The following NUP85 variants were observed in gnomAD, a reference collection of about 807,000 sequenced individuals.
NUP85 encodes nucleoporin 85.
In NUP85, 23 loss-of-function variants were observed where a neutral mutation model predicts 92.8. That is an observed-to-expected ratio of 0.25 (90% confidence interval 0.18 to 0.35). NUP85 has a LOEUF of 0.35. Among genes scored for constraint, NUP85 ranks in the 10% least tolerant of loss-of-function variants. The probability of loss-of-function intolerance (pLI) is 1.00; values close to 1 mark genes in which losing one functional copy is unlikely to be tolerated. For synonymous variants in NUP85, 314 were observed against 306.9 expected, an observed-to-expected ratio of 1.02 and a Z score of -0.24; for missense variants, 759 against 822.8, an observed-to-expected ratio of 0.92 and a Z score of 0.95.
At chr17:75,218,090 G>C in intron 6 of NUP85, 95 bp from the exon 7 acceptor site, 3 of 1,538,362 alleles carry the variant, frequency 2.0e-6, no homozygotes, top group Non-Finnish European at 2.7e-6. Flanking sequence ...TATGTAGTCA[G>C]CTTGTCTGCC....
intron 7 of NUP85, among the ~76,000 whole-genome samples, chr17:75,222,486 ATATT>A (rs2075623660): frequency 7.7e-6 from 1 of 130,282 alleles, no homozygotes; most frequent in Non-Finnish European, 1.6e-5. Flanking sequence ...ATATGTTTAT[ATATT>A]TGTGATTTTT....
rs1280874554 is a variant in NUP85, at chr17:75,231,905, G to A, written c.1322G>A (p.Arg441Gln). The A allele has an allele frequency of 3.1e-6, 5 of 1,614,188 alleles. No individual in the cohort carries two copies. Among genetic ancestry groups the A allele is most frequent in the South Asian group, 1.1e-5 (1 of 91,086 alleles). ...GTCTCCCTGGAGCTGCACATTGAGC[G>A]GATACCTCTGAACACCGAGCAGAAA... The part of the protein sequence containing the change: ...GRVSLELHIE[R>Q]IPLNTEQKAL... Residue 441 changes from arginine to glutamine, a missense_variant, in exon 14 of 19, where the codon CGG becomes CAG. Arg to Gln is a conservative substitution (Grantham distance 43). Transcript: ENST00000245544. This position sits in a 1 kb window ranked among gnomAD's most constrained non-coding sequence, Gnocchi z 4.6.
intron 4 of NUP85, among the ~76,000 whole-genome samples, 179 bp downstream of exon 4, chr17:75,212,241 GTTGTTGTTTTTTTTTTTTTTTTTTTTTTT>G (rs1568069614): frequency 0.011 from 31 of 2,756 alleles, 3 homozygotes; most frequent in African/African-American, 0.015. Flanking sequence ...TTTTTTTTTT[GTTGTTGTTTTTTTTTTTTTTTTTTTTTTT>G]TTTTTTTTTT....
intron 7 of NUP85, among the ~76,000 whole-genome samples, chr17:75,221,451 T>C (rs941852738): frequency 4.6e-5 from 7 of 151,946 alleles, no homozygotes; most frequent in African/African-American, 1.7e-4. Flanking sequence ...ATTTTTTTAT[T>C]TTTTGAACTC....
chr17:75,218,105 A>T, intron 6 of NUP85, 80 bp from the exon 7 acceptor site: 7 of 1,591,354 alleles, frequency 4.4e-6, no homozygotes, highest in Non-Finnish European at 6.0e-6. Context: ...TCTGCCTTAA[A>T]GTTCTCTGTT....
At chr17:75,233,430 A>T (rs8076568) in intron 16 of NUP85, among the ~76,000 whole-genome samples, 109,021 of 128,288 alleles carry the variant, frequency 0.85, 45,646 homozygotes, top group East Asian at 0.94. Context: ...CTTTTCTTTT[A>T]TTTTTTCTTT....
intron 16 of NUP85, among the ~76,000 whole-genome samples, chr17:75,234,049 CTTCTTTT>C (rs1383395346): frequency 5.2e-5 from 5 of 96,858 alleles, no homozygotes; most frequent in South Asian, 3.8e-4. Flanking sequence ...CTCCATGTTT[CTTCTTTT>C]TTTTTTTTTT....
intron 16 of NUP85, among the ~76,000 whole-genome samples, chr17:75,234,085 T>A (rs1057099749): frequency 4.2e-5 from 6 of 141,206 alleles, no homozygotes; most frequent in African/African-American, 1.6e-4. Flanking sequence ...GGAGTCTCAC[T>A]CTGTCGCCCA....
At chr17:75,233,187 T>A in intron 16 of NUP85, 29 bp downstream of exon 16, 1 of 1,587,680 alleles carries the variant, frequency 6.3e-7, no homozygotes, top group Non-Finnish European at 8.6e-7. Context: ...TGCCCTGTGC[T>A]TTGGGCACAA....
At chr17:75,217,461 C>G (rs1206429822) in intron 6 of NUP85, among the ~76,000 whole-genome samples, 1 of 152,060 alleles carries the variant, frequency 6.6e-6, no homozygotes, top group Admixed American at 6.6e-5. Flanking sequence ...CTCAGCCTCC[C>G]AAAGTGCTGG....
chr17:75,223,569 G>A (rs2075660256), intron 7 of NUP85, among the ~76,000 whole-genome samples: 1 of 151,932 alleles, frequency 6.6e-6, no homozygotes, highest in Non-Finnish European at 1.5e-5. Flanking sequence ...TGTATTTTTA[G>A]TAGAAACAGG....
Position 75,231,363 on chromosome 17 carries a change from T to G in NUP85, c.1118T>G (p.Phe373Cys). The G allele has an allele frequency of 6.2e-7, 1 of 1,614,212 alleles. No homozygotes were observed. The highest frequency in any genetic ancestry group is 8.5e-7 in the Non-Finnish European group (1 of 1,180,038). The change falls in exon 12 of 19, where the codon TTT (phenylalanine) becomes TGT (cysteine). Residue 373 changes from phenylalanine to cysteine, a missense_variant. By Grantham distance (205) the Phe-to-Cys change is radical (BLOSUM62 -2). Transcript: ENST00000245544. The surrounding 1 kb of genome is among the most constrained non-coding windows in gnomAD (Gnocchi z 4.6). The part of the protein sequence containing the change: ...ECSIALSNWW[F>C]VAHLTDLLDH... ...AGCATCGCCCTGAGCAACTGGTGGT[T>G]TGTGGCCCACCTGACAGACCTGCTG... is the stretch of plus-strand genomic sequence containing the variant.
intron 11 of NUP85, chr17:75,228,391 G>T: frequency 1.0e-6 from 1 of 985,366 alleles, no homozygotes; most frequent in Non-Finnish European, 1.2e-6. Context: ...CTCTGTTAGT[G>T]GGAAATCTTG....
intron 2 of NUP85, 49 bp downstream of exon 2, chr17:75,208,669 T>C: frequency 9.5e-7 from 1 of 1,056,102 alleles, no homozygotes. Context: ...ATTTGGTTGT[T>C]TTTCTGTTTA....
chr17:75,213,506 T>C (rs975908852), intron 5 of NUP85, among the ~76,000 whole-genome samples: 1 of 152,034 alleles, frequency 6.6e-6, no homozygotes, highest in Non-Finnish European at 1.5e-5. Flanking sequence ...TTGGCCAGGC[T>C]GGTCTTGAAC....
intron 11 of NUP85, among the ~76,000 whole-genome samples, chr17:75,230,235 G>A (rs1187955442): frequency 6.6e-6 from 1 of 151,912 alleles, no homozygotes; most frequent in Non-Finnish European, 1.5e-5. Flanking sequence ...TGGAGATGGG[G>A]TTTTGCCATT....
rs763158301 is a variant in NUP85, at chr17:75,231,290, C to T, written c.1095-50C>T. On this transcript the variant is annotated intron_variant, in intron 11 of 18. Coordinates refer to ENST00000245544, the MANE Select transcript of NUP85 (RefSeq NM_024844.5). The surrounding 1 kb of genome is among the most constrained non-coding windows in gnomAD (Gnocchi z 4.6). ...CTTGCTCACCCCCACTCTTGTGGGA[C>T]GCGGCCTGTGCCCTGATTTTCCTTC... The T allele has an allele frequency of 2.3e-5, 37 of 1,582,420 alleles. No individual in the cohort carries two copies. The highest frequency in any genetic ancestry group is 4.4e-5 in the South Asian group (4 of 90,336).
rs116564298 is a variant in NUP85, at chr17:75,232,458, C to T, written c.1397-393C>T. ...CTGCAGAGAGGCAGTTGCATGTTCA[C>T]GACCATTTCTGAAAGCATATGGTAT... On this transcript the variant is annotated intron_variant, in intron 14 of 18. Transcript: ENST00000245544. 3.8e-3 allele frequency among the ~76,000 whole-genome samples: 574 copies of T among 152,154 alleles called. 6 individuals are homozygous for T. The highest frequency in any genetic ancestry group is 0.013 in the African/African-American group (557 of 41,486).
At chr17:75,208,379 C>T (rs564818786) in intron 1 of NUP85, 148 bp from the exon 2 acceptor site, 7 of 623,308 alleles carry the variant, frequency 1.1e-5, no homozygotes, top group East Asian at 5.3e-5. Context: ...CAGGAGGCGG[C>T]GATTGGAGCA....
Sources: gnomAD v4.1 joint callset for allele counts (sites outside exome capture counted in the v4.1 genomes callset) on GRCh38, gnomAD v4.1.1 for gene constraint, Gnocchi (gnomAD v3.1) non-coding constraint, MANE v1.5 for transcripts, NCBI Gene and HGNC (gene_info 2026-07-23, HGNC 2026-07-21) for gene names.